The following PTPRD variants were observed in gnomAD, a reference collection of about 807,000 sequenced individuals.
The protein encoded by PTPRD is receptor-type tyrosine-protein phosphatase delta.
PTPRD carries 34 observed loss-of-function variants against 214.5 expected under a neutral mutation model. The observed-to-expected ratio is 0.16, with a 90% CI of 0.12 to 0.21. The LOEUF is 0.21. PTPRD is among the 10% of genes least tolerant of loss of function. The pLI, the probability that PTPRD is intolerant of heterozygous loss-of-function variation, is 1.00. For synonymous variants in PTPRD, 1,128 were observed against 845.7 expected (o/e 1.33, Z -5.79); for missense variants, 2,545 against 2,398.7 (o/e 1.06, Z -1.27).
chr9:9,075,828 C>T (rs1330993716), intron 10 of PTPRD, among the ~76,000 whole-genome samples: 3 of 152,128 alleles, frequency 2.0e-5, no homozygotes, highest in African/African-American at 7.2e-5. Flanking sequence ...AATTTGGCTT[C>T]TTTCCAAGTC....
chr9:9,531,617 T>C (rs1480275410), intron 8 of PTPRD, among the ~76,000 whole-genome samples: 1 of 152,170 alleles, frequency 6.6e-6, no homozygotes, highest in East Asian at 1.9e-4. Flanking sequence ...TATGGCTGAA[T>C]AGTACTCCTC....
intron 8 of PTPRD, among the ~76,000 whole-genome samples, chr9:9,496,881 G>A (rs1438695111): frequency 6.6e-6 from 1 of 152,090 alleles, no homozygotes; most frequent in Admixed American, 6.5e-5. Context: ...CAAGTAAAAC[G>A]TGGTTTATAC....
At chr9:10,086,470 A>G (rs1441215010) in intron 3 of PTPRD, among the ~76,000 whole-genome samples, 3 of 151,812 alleles carry the variant, frequency 2.0e-5, no homozygotes, top group Non-Finnish European at 4.4e-5. Flanking sequence ...AGTGGTATGA[A>G]GTGGAAAGCG....
intron 14 of PTPRD, among the ~76,000 whole-genome samples, chr9:8,597,716 A>G (rs1234798173): frequency 6.6e-6 from 1 of 152,112 alleles, no homozygotes; most frequent in South Asian, 2.1e-4. Context: ...TATGGCCCTG[A>G]ACACTGTGAG....
At chr9:9,212,242 G>C (rs986379392) in intron 9 of PTPRD, among the ~76,000 whole-genome samples, 1 of 152,040 alleles carries the variant, frequency 6.6e-6, no homozygotes, top group African/African-American at 2.4e-5. Context: ...TTTGAAAACA[G>C]ATTTAAATTT....
chr9:9,052,060 G>T (rs1397442435), intron 10 of PTPRD, among the ~76,000 whole-genome samples: 1 of 152,182 alleles, frequency 6.6e-6, no homozygotes. Flanking sequence ...AGTTCTGGAG[G>T]CTGGGATGTT....
At chr9:10,441,103 G>A (rs748144584) in intron 2 of PTPRD, among the ~76,000 whole-genome samples, 4 of 151,578 alleles carry the variant, frequency 2.6e-5, no homozygotes, top group South Asian at 4.2e-4. Context: ...TTTGGCTTTC[G>A]CTTTCTATCC....
chr9:8,704,242 C>G (rs566741911), intron 12 of PTPRD, among the ~76,000 whole-genome samples: 4 of 152,046 alleles, frequency 2.6e-5, no homozygotes, highest in Non-Finnish European at 5.9e-5. Flanking sequence ...TGCCTTCCCC[C>G]CTCCCACTCC....
At chr9:8,495,948 T>C (rs2097256087) in intron 26 of PTPRD, among the ~76,000 whole-genome samples, 1 of 152,174 alleles carries the variant, frequency 6.6e-6, no homozygotes, top group Non-Finnish European at 1.5e-5. Flanking sequence ...AGTTAAAGAC[T>C]GACCGGCCAG....
At chr9:9,025,119 A>C (rs1262146422) in intron 10 of PTPRD, among the ~76,000 whole-genome samples, 1 of 151,980 alleles carries the variant, frequency 6.6e-6, no homozygotes, top group African/African-American at 2.4e-5. Flanking sequence ...GTTATATTTT[A>C]CTTTTTCCCT....
intron 2 of PTPRD, among the ~76,000 whole-genome samples, chr9:10,547,765 A>C (rs946254194): frequency 1.3e-5 from 2 of 152,024 alleles, no homozygotes; most frequent in East Asian, 3.8e-4. Context: ...GAAGAGGTGG[A>C]AGATGCTAAG....
chr9:8,420,056 C>G (rs2094245695), intron 35 of PTPRD, among the ~76,000 whole-genome samples: 1 of 152,070 alleles, frequency 6.6e-6, no homozygotes, highest in Non-Finnish European at 1.5e-5. Context: ...GTACATGTAA[C>G]AAACGTAGAC....
chr9:9,118,265 T>A (rs1363279098), intron 10 of PTPRD, among the ~76,000 whole-genome samples: 1 of 152,216 alleles, frequency 6.6e-6, no homozygotes, highest in Non-Finnish European at 1.5e-5. Flanking sequence ...ACTGTCTCAA[T>A]TATTAGCAGG....
chr9:8,779,995 G>A (rs2095631782), intron 11 of PTPRD, among the ~76,000 whole-genome samples: 1 of 152,074 alleles, frequency 6.6e-6, no homozygotes, highest in Non-Finnish European at 1.5e-5. Context: ...ACTGCACAAT[G>A]TAACATCAAA....
At chr9:8,516,479 T>C (rs1017233219) in intron 21 of PTPRD, among the ~76,000 whole-genome samples, 2 of 152,186 alleles carry the variant, frequency 1.3e-5, no homozygotes, top group African/African-American at 2.4e-5. Context: ...CTGAGATTCC[T>C]AGAAGCAAGG....
Position 10,460,610 on chromosome 9 carries a change from T to C in PTPRD, c.-599-119593A>G, listed in dbSNP as rs138964873. On this transcript the variant is annotated intron_variant, in intron 2 of 45. Coordinates refer to ENST00000381196, the MANE Select transcript of PTPRD (RefSeq NM_002839.4). ...TAATTTTTGACAAGGGCACCAAAAATACACATGAGGAAAGGACAATGTCTT... is the reference window on the plus strand; with the variant it reads ...TAATTTTTGACAAGGGCACCAAAAACACACATGAGGAAAGGACAATGTCTT... Among the ~76,000 whole-genome samples, 32 of 152,122 alleles carry C rather than the reference T, an allele frequency of 2.1e-4. No homozygotes were observed. In the East Asian group the frequency reaches 5.6e-3, roughly 27 times the overall value.
chr9:8,860,340 A>G (rs1234896244), intron 11 of PTPRD: 1 of 152,216 alleles, frequency 6.6e-6, no homozygotes. Context: ...GGACCCAGAA[A>G]TCAGGGGATA....
intron 11 of PTPRD, among the ~76,000 whole-genome samples, chr9:8,881,225 G>A (rs755337991): frequency 2.2e-4 from 34 of 152,172 alleles, no homozygotes; most frequent in Non-Finnish European, 3.7e-4. Flanking sequence ...TGATCTCACA[G>A]AACTAACAGT....
chr9:10,310,305 A>C (rs943202450), intron 3 of PTPRD, among the ~76,000 whole-genome samples: 9 of 152,204 alleles, frequency 5.9e-5, no homozygotes, highest in Non-Finnish European at 1.3e-4. Context: ...TAGCAAAAGA[A>C]ATATCAAGGC....
Sources: gnomAD v4.1 joint callset for allele counts (sites outside exome capture counted in the v4.1 genomes callset) on GRCh38, gnomAD v4.1.1 for gene constraint, MANE v1.5 for transcripts, NCBI Gene and HGNC (gene_info 2026-07-23, HGNC 2026-07-21) for gene names.